Variants in DHX32 observed in about 807,000 individuals in gnomAD.
The protein encoded by DHX32 is putative pre-mRNA-splicing factor ATP-dependent RNA helicase DHX32.
Under a neutral mutation model 70.0 loss-of-function variants are expected in DHX32, and 51 were observed. The ratio of observed to expected loss-of-function variants is 0.73; its 90% confidence interval spans 0.58 to 0.92. DHX32 has a LOEUF of 0.92. Among genes scored for constraint, DHX32 ranks in the 40% least tolerant of loss-of-function variants. DHX32 has a pLI of 0.00. For synonymous variants in DHX32, 310 were observed against 315.3 expected (o/e 0.98, Z 0.18); for missense variants, 762 against 891.8 (o/e 0.85, Z 1.85).
At chr10:125,859,478 A>T in intron 3 of DHX32, 125 bp downstream of exon 3, 2 of 1,046,856 alleles carry the variant, frequency 1.9e-6, no homozygotes, top group African/African-American at 1.6e-5. Flanking sequence ...GGTTTTATTT[A>T]ATGAGGTGTG....
At chr10:125,884,495 T>C (rs1166074484), upstream of DHX32, among the ~76,000 whole-genome samples, 3 of 152,240 alleles carry the variant, frequency 2.0e-5, no homozygotes, top group East Asian at 1.9e-4. Context: ...ATATTGTAGA[T>C]GGCACACTTT....
chr10:125,851,877 C>T (rs540030580), intron 6 of DHX32, among the ~76,000 whole-genome samples: 49 of 142,220 alleles, frequency 3.4e-4, no homozygotes, highest in Non-Finnish European at 5.7e-4. Context: ...GCTATGATCA[C>T]GCCACTGTAC....
In DHX32 at chr10:125,838,311, G is replaced by C. The variant is rs2134021103; in HGVS notation, c.1958C>G (p.Ser653Cys). Residue 653 changes from serine to cysteine, a missense_variant, in exon 10 of 11, where the codon TCT becomes TGT. Transcript: ENST00000284690. ...HKQVAQLHPL[S>C]GYSITKKMPE... is the part of the protein sequence containing the mutation. ...CATCTTCTTGGTGATTGAGTAACCA[G>C]ACAGGGGATGCAGCTGAGCAACCTG... 7 of 1,613,962 alleles carry C rather than the reference G, an allele frequency of 4.3e-6. No homozygotes were observed. The highest frequency in any genetic ancestry group is 1.7e-5 in the Admixed American group (1 of 59,970).
Position 125,864,929 on chromosome 10 carries a change from C to CAAAAAAAAAAAAAAAAAAA in DHX32, c.476+2042_476+2060dup, listed in dbSNP as rs61570718. 1.7e-4 allele frequency among the ~76,000 whole-genome samples: 9 copies of CAAAAAAAAAAAAAAAAAAA among 54,222 alleles called. 1 individual carries two copies. Among genetic ancestry groups the CAAAAAAAAAAAAAAAAAAA allele is most frequent in the South Asian group, 9.8e-4 (1 of 1,024 alleles). The allele number at this position is 54,222 out of a possible 152,430, so 35.6% of individuals were successfully genotyped here. Reference sequence around the variant, plus strand: ...TGGGAGACAGAGTGGGACTCTGTCTCAAAAAAAAAAAAAAAAAAAAAAAAA... The same window carrying CAAAAAAAAAAAAAAAAAAA: ...TGGGAGACAGAGTGGGACTCTGTCTCAAAAAAAAAAAAAAAAAAAAAAAAAAAAAAAAAAAAAAAAAAAA... On this transcript the variant is annotated intron_variant, in intron 2 of 10. Transcript: ENST00000284690.
Position 125,867,192 on chromosome 10 carries a change from G to A in DHX32, c.283-9C>T, listed in dbSNP as rs761563575. The A allele has an allele frequency of 1.9e-6, 3 of 1,582,626 alleles. No individual in the cohort carries two copies. The highest frequency in any genetic ancestry group is 1.8e-5 in the Admixed American group (1 of 54,478). ...GCACACCACTGAGGAACCTGTAGCAGGAAAAAATGAGACAGGATCAGCTTC... is the reference window on the plus strand; with the variant it reads ...GCACACCACTGAGGAACCTGTAGCAAGAAAAAATGAGACAGGATCAGCTTC... On this transcript the variant is annotated splice_polypyrimidine_tract_variant and intron_variant, in intron 1 of 10. Coordinates refer to ENST00000284690, the MANE Select transcript of DHX32 (RefSeq NM_018180.3).
At chr10:125,839,673 G>C (rs1854815612) in intron 8 of DHX32, among the ~76,000 whole-genome samples, 1 of 152,168 alleles carries the variant, frequency 6.6e-6, no homozygotes, top group Non-Finnish European at 1.5e-5. Context: ...TTACTACCAG[G>C]TTGATTTGGG....
chr10:125,887,269 G>A (rs1589719662), intron 1 of DHX32, among the ~76,000 whole-genome samples: 1 of 152,192 alleles, frequency 6.6e-6, no homozygotes, highest in Admixed American at 6.5e-5. Flanking sequence ...AACATGGTAG[G>A]GACACAGTTT....
intron 1 of DHX32, among the ~76,000 whole-genome samples, chr10:125,876,216 C>A (rs1944283129): frequency 6.6e-6 from 1 of 152,158 alleles, no homozygotes; most frequent in South Asian, 2.1e-4. Flanking sequence ...CCCTGCCCAC[C>A]AAACTATCCT....
At chr10:125,851,351 C>G (rs889938970) in intron 6 of DHX32, among the ~76,000 whole-genome samples, 2 of 152,192 alleles carry the variant, frequency 1.3e-5, no homozygotes, top group Non-Finnish European at 2.9e-5. Context: ...CAGTTATCAG[C>G]TTTAAGCCTC....
At chr10:125,888,200 GC>G (rs66866146) in intron 1 of DHX32, among the ~76,000 whole-genome samples, 17 of 144,694 alleles carry the variant, frequency 1.2e-4, no homozygotes, top group African/African-American at 4.3e-4. Context: ...TTTGAGCAAT[GC>G]ATTTTTTTTT....
chr10:125,853,170 G>A, intron 4 of DHX32: 3 of 1,612,998 alleles, frequency 1.9e-6, no homozygotes, highest in Non-Finnish European at 2.5e-6. Flanking sequence ...CTGAAGGCTG[G>A]ACTAATTCAA....
intron 1 of DHX32, among the ~76,000 whole-genome samples, chr10:125,891,413 T>C (rs1278745137): frequency 6.6e-6 from 1 of 152,302 alleles, no homozygotes; most frequent in Non-Finnish European, 1.5e-5. Context: ...AGTTACATTT[T>C]ACTTGATTTG....
chr10:125,866,850 G>T lies in DHX32; in HGVS notation c.476+140C>A. 1 of 808,790 alleles carries T rather than the reference G, an allele frequency of 1.2e-6. No homozygotes were observed. The highest frequency in any genetic ancestry group is 1.9e-6 in the Non-Finnish European group (1 of 526,244). 50.1% of individuals were successfully genotyped at this position (808,790 alleles called of 1,614,324 possible). On this transcript the variant is annotated intron_variant, in intron 2 of 10. Transcript: ENST00000284690. The surrounding 1 kb of genome is among the most constrained non-coding windows in gnomAD (Gnocchi z 4.8). ...CAGTGTGGGAAAGCAACTGTTGCTG[G>T]CTGGCTGATGACAGAGACCAGTTGC... is the stretch of plus-strand genomic sequence containing the variant.
chr10:125,883,829 G>A (rs777916545), upstream of DHX32, among the ~76,000 whole-genome samples: 2 of 152,120 alleles, frequency 1.3e-5, no homozygotes, highest in Non-Finnish European at 2.9e-5. Context: ...AGATGTCTCC[G>A]AAATCTACAG....
intron 1 of DHX32, among the ~76,000 whole-genome samples, chr10:125,876,310 T>C (rs980454680): frequency 7.2e-5 from 11 of 152,240 alleles, no homozygotes; most frequent in African/African-American, 2.7e-4. Context: ...CAGCTTTATG[T>C]GTATTAAATT....
chr10:125,860,487 AGAT>A (rs1427758424), intron 2 of DHX32, among the ~76,000 whole-genome samples: 1 of 152,174 alleles, frequency 6.6e-6, no homozygotes, highest in African/African-American at 2.4e-5. Context: ...TCACTGTGAG[AGAT>A]GATATCATTA....
Position 125,839,183 on chromosome 10 carries a change from C to A in DHX32, c.1699G>T (p.Val567Leu), listed in dbSNP as rs1854795925. The part of the protein sequence containing the change: ...TTLNSSSEYC[V>L]EKWCRDYFLN... ...AAGTAATCACGACACCACTTTTCCA[C>A]ACAGTCTAGGAGGGAAAGAACACAA... Residue 567 changes from valine to leucine, a missense_variant, in exon 9 of 11, where the codon GTG becomes TTG. This residue lies in a region of DHX32 where 366 missense variants were observed against 402.6 expected (regional missense o/e 0.91). Coordinates refer to ENST00000284690, the MANE Select transcript of DHX32 (RefSeq NM_018180.3). 6.2e-7 allele frequency: 1 copy of A among 1,614,048 alleles called. No individual in the cohort carries two copies. The highest frequency in any genetic ancestry group is 1.7e-5 in the Admixed American group (1 of 60,010).
At chr10:125,889,528 C>G (rs2134081678) in intron 1 of DHX32, among the ~76,000 whole-genome samples, 1 of 152,378 alleles carries the variant, frequency 6.6e-6, no homozygotes, top group Middle Eastern at 3.4e-3. Flanking sequence ...GAATGTAAAT[C>G]AACTAACTGC....
At chr10:125,841,187 T>TTGTGTGTGTG (rs34263964) in intron 7 of DHX32, 191 bp from the exon 8 acceptor site, 17 of 1,391,698 alleles carry the variant, frequency 1.2e-5, no homozygotes, top group Non-Finnish European at 1.6e-5. Flanking sequence ...CCCTCTCCTT[T>TTGTGTGTGTG]TGTGTGTGTG....
Sources: gnomAD v4.1 joint callset for allele counts (sites outside exome capture counted in the v4.1 genomes callset) on GRCh38, gnomAD v4.1.1 for gene constraint, gnomAD v4.1.1 regional missense constraint, Gnocchi (gnomAD v3.1) non-coding constraint, MANE v1.5 for transcripts, NCBI Gene and HGNC (gene_info 2026-07-23, HGNC 2026-07-21) for gene names.